FRMD5: variants seen among roughly 807,000 people sequenced by gnomAD.
The protein encoded by FRMD5 is FERM domain containing 5, also known as FERM domain-containing protein 5.
In FRMD5, 20 loss-of-function variants were observed where a neutral mutation model predicts 69.0. That is an observed-to-expected ratio of 0.29 (90% confidence interval 0.20 to 0.42). The LOEUF is 0.42. Ranked by LOEUF, FRMD5 falls within the 10% of genes least tolerant of loss-of-function variation. The pLI is 1.00. For synonymous variants in FRMD5, 271 were observed against 260.1 expected, an observed-to-expected ratio of 1.04 and a Z score of -0.40; for missense variants, 595 against 708.6, an observed-to-expected ratio of 0.84 and a Z score of 1.82.
chr15:44,187,216 A>C (rs2078116659), intron 1 of FRMD5, among the ~76,000 whole-genome samples: 2 of 152,244 alleles, frequency 1.3e-5, no homozygotes, highest in Admixed American at 6.5e-5. Flanking sequence ...CACAGAATGA[A>C]GATTGAAATC....
At chr15:44,136,180 T>TTTTTG (rs1160403521) in intron 1 of FRMD5, among the ~76,000 whole-genome samples, 2 of 147,758 alleles carry the variant, frequency 1.4e-5, no homozygotes, top group Non-Finnish European at 3.0e-5. Context: ...ACCTGCCTAT[T>TTTTTG]TTTTGTTTTG....
chr15:44,083,493 G>C (rs923623194), intron 1 of FRMD5, among the ~76,000 whole-genome samples: 2 of 152,002 alleles, frequency 1.3e-5, no homozygotes, highest in African/African-American at 4.8e-5. Flanking sequence ...CTGTGATCCT[G>C]CTCAAGCTTC....
chr15:43,964,589 A>G (rs547957360), intron 1 of FRMD5, among the ~76,000 whole-genome samples: 30 of 152,008 alleles, frequency 2.0e-4, no homozygotes, highest in Non-Finnish European at 3.8e-4. Flanking sequence ...TAATTTTGGC[A>G]TATTAGATTT....
At chr15:44,064,772 A>G (rs1893241324) in intron 1 of FRMD5, among the ~76,000 whole-genome samples, 1 of 152,246 alleles carries the variant, frequency 6.6e-6, no homozygotes, top group South Asian at 2.1e-4. Flanking sequence ...CCAAATAACA[A>G]GTCCCTTTTA....
At chr15:44,193,218 G>A (rs1421158235) in intron 1 of FRMD5, among the ~76,000 whole-genome samples, 1 of 152,054 alleles carries the variant, frequency 6.6e-6, no homozygotes, top group Admixed American at 6.6e-5. Flanking sequence ...CTACACCTTG[G>A]CAAAAGTTAA....
chr15:44,184,667 A>G (rs1029465478), intron 1 of FRMD5, among the ~76,000 whole-genome samples: 1 of 152,242 alleles, frequency 6.6e-6, no homozygotes, highest in African/African-American at 2.4e-5. Flanking sequence ...GGCTAATAGT[A>G]TAAATTAGCA....
intron 1 of FRMD5, among the ~76,000 whole-genome samples, chr15:44,073,751 T>C (rs996243457): frequency 6.6e-6 from 1 of 152,150 alleles, no homozygotes; most frequent in African/African-American, 2.4e-5. Flanking sequence ...AGGAGGGGGT[T>C]CCCACATCCT....
chr15:44,193,464 T>A (rs759028446), intron 1 of FRMD5, among the ~76,000 whole-genome samples: 2 of 152,094 alleles, frequency 1.3e-5, no homozygotes, highest in Non-Finnish European at 2.9e-5. Context: ...CATGGCACAA[T>A]GATACAATAG....
At chr15:43,902,343 CT>C in intron 6 of FRMD5, 81 bp from the exon 7 acceptor site, 1 of 1,177,252 alleles carries the variant, frequency 8.5e-7, no homozygotes, top group Non-Finnish European at 1.3e-6. Flanking sequence ...TGAAGATGTG[CT>C]TAGGATGAGC....
chr15:44,140,713 T>C lies in FRMD5; in HGVS notation c.102+54240A>G, dbSNP rs540774867. Among the ~76,000 whole-genome samples the C allele has an allele frequency of 3.0e-4, 46 of 151,310 alleles. 1 individual carries two copies. The highest frequency in any genetic ancestry group is 1.6e-3 in the East Asian group (8 of 5,152). On this transcript the variant is annotated intron_variant, in intron 1 of 13. Transcript: ENST00000417257. ...GGGCAACATGGCAAAACCCCAACTCTACAAAAAATACAAAAAAAATTTAGC... is the reference window on the plus strand; with the variant it reads ...GGGCAACATGGCAAAACCCCAACTCCACAAAAAATACAAAAAAAATTTAGC...
At chr15:44,024,207 T>G (rs1464080379) in intron 1 of FRMD5, among the ~76,000 whole-genome samples, 1 of 152,140 alleles carries the variant, frequency 6.6e-6, no homozygotes, top group African/African-American at 2.4e-5. Context: ...TCATTTGTTT[T>G]AACTCCCTAT....
intron 1 of FRMD5, among the ~76,000 whole-genome samples, chr15:44,010,443 G>A (rs1270915666): frequency 7.0e-6 from 1 of 142,584 alleles, no homozygotes; most frequent in Non-Finnish European, 1.5e-5. Context: ...TATCACCCAA[G>A]CTGGAGTGCA....
intron 1 of FRMD5, among the ~76,000 whole-genome samples, chr15:43,937,995 C>T (rs1005747541): frequency 2.6e-5 from 4 of 151,080 alleles, no homozygotes; most frequent in African/African-American, 7.3e-5. Flanking sequence ...AGGCTGGGAG[C>T]GGTGGCTCAT....
chr15:44,098,553 A>G (rs1423792968), intron 1 of FRMD5, among the ~76,000 whole-genome samples: 2 of 151,696 alleles, frequency 1.3e-5, no homozygotes, highest in African/African-American at 2.4e-5. Flanking sequence ...AGAGAGAGAC[A>G]TAAGCAGAAA....
chr15:43,965,407 T>A (rs1005076929), intron 1 of FRMD5, among the ~76,000 whole-genome samples: 1 of 152,074 alleles, frequency 6.6e-6, no homozygotes, highest in South Asian at 2.1e-4. Flanking sequence ...TAGTTTATGA[T>A]TGAAGAAGCT....
At chr15:43,931,985 G>C (rs1289270914) in intron 1 of FRMD5, among the ~76,000 whole-genome samples, 3 of 152,210 alleles carry the variant, frequency 2.0e-5, no homozygotes, top group African/African-American at 7.2e-5. Flanking sequence ...GCCCTGGTCT[G>C]CCACTTCTCA....
intron 6 of FRMD5, among the ~76,000 whole-genome samples, chr15:43,905,165 C>T (rs2034397454): frequency 7.2e-6 from 1 of 139,790 alleles, no homozygotes; most frequent in Non-Finnish European, 1.5e-5. Flanking sequence ...GAGATGGAGT[C>T]TCGCTCTGTC....
intron 1 of FRMD5, among the ~76,000 whole-genome samples, chr15:44,045,721 G>C (rs1164461062): frequency 6.6e-6 from 1 of 152,086 alleles, no homozygotes; most frequent in Admixed American, 6.6e-5. Flanking sequence ...GTAAGGAAGG[G>C]GCAGAAGGAG....
chr15:44,000,625 A>G (rs1419017228), intron 1 of FRMD5, among the ~76,000 whole-genome samples: 1 of 151,926 alleles, frequency 6.6e-6, no homozygotes, highest in African/African-American at 2.4e-5. Flanking sequence ...ACACCCAGCT[A>G]ATTTTTGTAT....
Sources: allele counts gnomAD v4.1 joint callset (sites outside exome capture counted in the v4.1 genomes callset), GRCh38; gene constraint gnomAD v4.1.1; transcripts MANE v1.5; gene names NCBI Gene and HGNC (gene_info 2026-07-23, HGNC 2026-07-21).